The following TATDN1 variants were observed in gnomAD, a reference collection of about 807,000 sequenced individuals.
TATDN1 encodes deoxyribonuclease TATDN1.
In TATDN1, 40 loss-of-function variants were observed where a neutral mutation model predicts 46.4. The observed-to-expected ratio is 0.86, with a 90% confidence interval of 0.67 to 1.12. The LOEUF is 1.12. TATDN1 is among the 50% of genes most tolerant of loss of function. The probability of loss-of-function intolerance (pLI) is 0.00; values close to 1 mark genes in which losing one functional copy is unlikely to be tolerated. For missense variants in TATDN1, 326 were observed against 348.4 expected (o/e 0.94, Z 0.51); for synonymous variants, 95 against 105.6 (o/e 0.90, Z 0.62).
At chr8:124,515,575 T>C (rs543272057) in intron 6 of TATDN1, among the ~76,000 whole-genome samples, 171 bp downstream of exon 6, 24 of 152,206 alleles carry the variant, frequency 1.6e-4, no homozygotes, top group Non-Finnish European at 3.4e-4. Context: ...TTCCATCCCT[T>C]ATGAATTACA....
chr8:124,503,200 G>C (rs533841241), intron 9 of TATDN1, among the ~76,000 whole-genome samples: 3 of 152,148 alleles, frequency 2.0e-5, no homozygotes, highest in African/African-American at 7.2e-5. Flanking sequence ...GGAGGTAGGG[G>C]ATTAGTACGG....
intron 11 of TATDN1, among the ~76,000 whole-genome samples, chr8:124,491,871 T>C (rs1468554129): frequency 6.6e-6 from 1 of 152,220 alleles, no homozygotes; most frequent in Non-Finnish European, 1.5e-5. Context: ...TAGAGGATTG[T>C]GTATTTTTTA....
At position 124,504,339 on chromosome 8, in the gene TATDN1, T is replaced by C. The variant is rs1407923983; in HGVS notation, c.525A>G (p.Ser175=). The C allele has an allele frequency of 9.4e-6, 15 of 1,603,140 alleles. No homozygotes were observed. Among genetic ancestry groups the C allele is most frequent in the Non-Finnish European group, 1.3e-5 (15 of 1,174,800 alleles). ...RDRCVGGVVH[S]FDGTKEAAAA... ...CTGCTGCTTCCTTGGTACCATCAAA[T>C]GAATGCACCTGGGGACATACAGGTA... The change falls in exon 9 of 12, where the codon TCA becomes TCG. Residue 175 remains serine, a synonymous_variant. Coordinates refer to ENST00000276692, the MANE Select transcript of TATDN1 (RefSeq NM_032026.4).
intron 6 of TATDN1, among the ~76,000 whole-genome samples, chr8:124,515,143 G>A (rs1190709759): frequency 2.0e-5 from 3 of 152,284 alleles, no homozygotes; most frequent in East Asian, 3.9e-4. Context: ...CAATTTGGGA[G>A]GCCGAGGCGG....
At chr8:124,521,513 G>T (rs554733218) in intron 3 of TATDN1, 1 of 152,262 alleles carries the variant, frequency 6.6e-6, no homozygotes, top group Non-Finnish European at 1.5e-5. Flanking sequence ...TAGAGTTGGA[G>T]TCTGCAAACT....
chr8:124,494,713 A>G (rs1817315309), intron 10 of TATDN1: 1 of 134,136 alleles, frequency 7.5e-6, no homozygotes, highest in African/African-American at 3.0e-5. Context: ...ACACCCAGCT[A>G]ATTTTTTGTA....
At chr8:124,502,273 G>A (rs546634017) in intron 9 of TATDN1, among the ~76,000 whole-genome samples, 97 of 151,616 alleles carry the variant, frequency 6.4e-4, no homozygotes, top group South Asian at 4.6e-3. Flanking sequence ...CCCGGGAGGC[G>A]GAGCCTGCAG....
intron 9 of TATDN1, chr8:124,503,857 T>A (rs1049660303): frequency 7.9e-7 from 1 of 1,260,992 alleles, no homozygotes; most frequent in African/African-American, 1.5e-5. Context: ...CTAATTTCTT[T>A]GAGCCTCGGT....
chr8:124,502,510 A>G (rs1381530745), intron 9 of TATDN1, among the ~76,000 whole-genome samples: 1 of 152,218 alleles, frequency 6.6e-6, no homozygotes, highest in African/African-American at 2.4e-5. Flanking sequence ...CTTATTAAAT[A>G]GAAATACTGG....
At chr8:124,489,822 A>G (rs1816803408) in intron 11 of TATDN1, 1 of 152,240 alleles carries the variant, frequency 6.6e-6, no homozygotes, top group South Asian at 2.1e-4. Flanking sequence ...TCCAAAGTCC[A>G]AATTGAACAT....
At chr8:124,532,208 G>A (rs904570409) in intron 1 of TATDN1, among the ~76,000 whole-genome samples, 3 of 152,212 alleles carry the variant, frequency 2.0e-5, no homozygotes, top group African/African-American at 7.2e-5. Context: ...TGTCTTGTCA[G>A]AGAAATGTCC....
chr8:124,531,338 C>A (rs1415858173), intron 1 of TATDN1, among the ~76,000 whole-genome samples: 1 of 152,136 alleles, frequency 6.6e-6, no homozygotes, highest in African/African-American at 2.4e-5. Context: ...GAGCTTTAGG[C>A]AAGGACAGGT....
chr8:124,509,382 A>C (rs757300641), intron 6 of TATDN1, among the ~76,000 whole-genome samples: 4 of 152,324 alleles, frequency 2.6e-5, no homozygotes, highest in Admixed American at 6.5e-5. Context: ...GTCCCAGCCT[A>C]AACGACAAAA....
intron 1 of TATDN1, chr8:124,523,264 A>G (rs1307420232): frequency 4.9e-6 from 2 of 408,106 alleles, no homozygotes; most frequent in Non-Finnish European, 8.9e-6. Context: ...AGAAGTAAAC[A>G]CTGGTACTAT....
At chr8:124,522,670 C>T (rs1820150815) in intron 2 of TATDN1, among the ~76,000 whole-genome samples, 1 of 152,148 alleles carries the variant, frequency 6.6e-6, no homozygotes, top group Non-Finnish European at 1.5e-5. Flanking sequence ...CCACTTGCCT[C>T]AGCCTCCCAA....
chr8:124,504,524 C>T, intron 8 of TATDN1, 177 bp from the exon 9 acceptor site: 1 of 406,136 alleles, frequency 2.5e-6, no homozygotes, highest in Non-Finnish European at 4.4e-6. Context: ...CAATTACAAC[C>T]TGTCATCATC....
At chr8:124,518,126 G>A (rs1433054802) in intron 4 of TATDN1, among the ~76,000 whole-genome samples, 1 of 142,850 alleles carries the variant, frequency 7.0e-6, no homozygotes, top group Non-Finnish European at 1.5e-5. Flanking sequence ...GCAGGAGAAT[G>A]GCATGAACCA....
intron 11 of TATDN1, among the ~76,000 whole-genome samples, chr8:124,493,555 G>C (rs1486602998): frequency 6.6e-6 from 1 of 152,184 alleles, no homozygotes; most frequent in East Asian, 1.9e-4. Context: ...TTAAAGAAAT[G>C]TGTTATTTCT....
intron 3 of TATDN1, 96 bp downstream of exon 3, chr8:124,522,055 G>A (rs1820091790): frequency 4.1e-6 from 3 of 734,906 alleles, no homozygotes; most frequent in East Asian, 5.6e-5. Context: ...CCCAACTGTG[G>A]CATTGGTTTG....
Sources: allele counts gnomAD v4.1 joint callset (sites outside exome capture counted in the v4.1 genomes callset), GRCh38; gene constraint gnomAD v4.1.1; transcripts MANE v1.5; gene names NCBI Gene and HGNC (gene_info 2026-07-23, HGNC 2026-07-21).